The following RIN2 variants were observed in gnomAD, a reference collection of about 807,000 sequenced individuals.
RIN2 encodes the protein RAB5 interacting protein 2.
Under a neutral mutation model 78.0 loss-of-function variants are expected in RIN2, and 36 were observed. The ratio of observed to expected loss-of-function variants is 0.46; its 90% confidence interval spans 0.35 to 0.61. The LOEUF (loss-of-function observed/expected upper bound fraction) is 0.61, where lower values mean the gene tolerates loss of function less well. Among genes scored for constraint, RIN2 ranks in the 20% least tolerant of loss-of-function variants. RIN2 has a pLI of 0.00. For synonymous variants in RIN2, 466 were observed against 466.8 expected (o/e 1.00, Z 0.02); for missense variants, 1,087 against 1,159.7 (o/e 0.94, Z 0.91).
chr20:19,980,044 CAA>C lies in RIN2; in HGVS notation c.1762+4278_1762+4279del, dbSNP rs56268489. Among the ~76,000 whole-genome samples the C allele has an allele frequency of 9.6e-3, 694 of 72,662 alleles. 1 individual carries two copies. The highest frequency in any genetic ancestry group is 0.048 in the Middle Eastern group (4 of 84). The allele number at this position is 72,662 out of a possible 152,430, so 47.7% of individuals were successfully genotyped here. The stretch of plus-strand genomic sequence containing the variant: ...GGGCAACAAGAGTGAAACTCCATCT[CAA>C]AAAAAAAAAAAAAAAAAAAACTCTT... On this transcript the variant is annotated intron_variant, in intron 9 of 12. Transcript: ENST00000255006.
chr20:19,972,961 A>G (rs1193424267), intron 8 of RIN2, among the ~76,000 whole-genome samples: 1 of 152,186 alleles, frequency 6.6e-6, no homozygotes, highest in Non-Finnish European at 1.5e-5. Flanking sequence ...TGCAGCCAAT[A>G]TAAAAAATTT....
At chr20:19,938,304 G>C (rs2040728825) in intron 4 of RIN2, among the ~76,000 whole-genome samples, 3 of 152,076 alleles carry the variant, frequency 2.0e-5, no homozygotes, top group Admixed American at 2.0e-4. Flanking sequence ...CTGCAGCCTT[G>C]ACCTCCTGGG....
intron 2 of RIN2, among the ~76,000 whole-genome samples, chr20:19,857,339 C>T (rs1009674706): frequency 1.3e-5 from 2 of 151,984 alleles, no homozygotes; most frequent in African/African-American, 4.8e-5. Context: ...GGTACTTATC[C>T]ATTGTATGAA....
At chr20:19,888,798 T>G (rs1401042751) in intron 2 of RIN2, among the ~76,000 whole-genome samples, 1 of 152,226 alleles carries the variant, frequency 6.6e-6, no homozygotes. Flanking sequence ...GTGTGTATGT[T>G]TAACTTAGAA....
intron 6 of RIN2, among the ~76,000 whole-genome samples, chr20:19,962,871 C>T (rs753227313): frequency 4.6e-5 from 7 of 152,074 alleles, no homozygotes; most frequent in Admixed American, 2.0e-4. Flanking sequence ...GCAGGAGAAT[C>T]GCTTGAACCC....
intron 10 of RIN2, among the ~76,000 whole-genome samples, chr20:19,990,658 T>C (rs1410443339): frequency 6.6e-6 from 1 of 152,052 alleles, no homozygotes; most frequent in Non-Finnish European, 1.5e-5. Flanking sequence ...TAATCAACCT[T>C]GCACGCTGTA....
At chr20:19,934,508 C>T (rs938429779) in intron 3 of RIN2, 3 of 985,152 alleles carry the variant, frequency 3.0e-6, no homozygotes, top group Non-Finnish European at 3.6e-6. Flanking sequence ...CCTCCCCACT[C>T]ATCCACCCCA....
In RIN2 at chr20:19,871,112, G is replaced by T. The variant is rs138769203; in HGVS notation, c.-36-18454G>T. ...ATTGCTGATTACCATGGAGAAGCAG[G>T]CAAGGGATTATGAAGAGAAAGACAG... On this transcript the variant is annotated intron_variant, in intron 2 of 12. Coordinates refer to ENST00000255006, the MANE Select transcript of RIN2 (RefSeq NM_018993.4). 6.0e-4 allele frequency among the ~76,000 whole-genome samples: 91 copies of T among 152,310 alleles called. 1 individual carries two copies. In the East Asian group the frequency reaches 0.017, roughly 28 times the overall value.
chr20:19,882,077 GA>G, intron 2 of RIN2, among the ~76,000 whole-genome samples: 1 of 152,202 alleles, frequency 6.6e-6, no homozygotes, highest in African/African-American at 2.4e-5. Context: ...TTTGGAAAGT[GA>G]AAAAAACTTG....
chr20:19,796,664 G>A (rs182315042), intron 1 of RIN2, among the ~76,000 whole-genome samples: 90 of 152,208 alleles, frequency 5.9e-4, no homozygotes, highest in Middle Eastern at 3.4e-3. Context: ...TTGGAATCAC[G>A]CAGGGAGCTT....
chr20:19,902,980 C>G (rs888880469), intron 3 of RIN2, among the ~76,000 whole-genome samples: 1 of 152,044 alleles, frequency 6.6e-6, no homozygotes, highest in Non-Finnish European at 1.5e-5. Context: ...GTAGTCCCAG[C>G]TACTCGGGAG....
intron 9 of RIN2, among the ~76,000 whole-genome samples, chr20:19,980,382 A>G (rs1048016300): frequency 6.6e-6 from 1 of 152,164 alleles, no homozygotes; most frequent in Admixed American, 6.5e-5. Flanking sequence ...CAACCAAAAC[A>G]AGGTTGACAC....
At chr20:19,983,218 T>A (rs6046504) in intron 9 of RIN2, among the ~76,000 whole-genome samples, 1 of 152,050 alleles carries the variant, frequency 6.6e-6, no homozygotes, top group South Asian at 2.1e-4. Flanking sequence ...AAGGAGAATA[T>A]GTTAGCACAT....
chr20:19,812,035 G>A (rs1028649974), intron 2 of RIN2, among the ~76,000 whole-genome samples: 1 of 150,380 alleles, frequency 6.6e-6, no homozygotes, highest in African/African-American at 2.5e-5. Flanking sequence ...AGTCATCCAC[G>A]TTGTAGCAGG....
chr20:19,902,009 C>G (rs537306043), intron 3 of RIN2, among the ~76,000 whole-genome samples: 1,174 of 88,566 alleles, frequency 0.013, 10 homozygotes, highest in Non-Finnish European at 0.016. Context: ...GAACGAGACT[C>G]TGTCTCAAAA....
chr20:19,824,383 T>C (rs530873062), intron 2 of RIN2, among the ~76,000 whole-genome samples: 1 of 152,348 alleles, frequency 6.6e-6, no homozygotes, highest in South Asian at 2.1e-4. Context: ...ATCATCCTTA[T>C]TATTATTTAA....
intron 4 of RIN2, among the ~76,000 whole-genome samples, chr20:19,945,734 A>G (rs1345129476): frequency 6.6e-6 from 1 of 152,048 alleles, no homozygotes; most frequent in Non-Finnish European, 1.5e-5. Context: ...TTTTACAACC[A>G]AAGCCACTCA....
intron 2 of RIN2, among the ~76,000 whole-genome samples, chr20:19,848,299 C>G (rs2036848652): frequency 6.6e-6 from 1 of 152,016 alleles, no homozygotes; most frequent in Admixed American, 6.6e-5. Flanking sequence ...CTTTGGGAGG[C>G]TGAGGTGGGT....
In RIN2 at chr20:19,960,714, TA is replaced by T; in HGVS notation, c.369del (p.Lys123AsnfsTer27). On this transcript the variant is annotated frameshift_variant, in exon 6 of 13. Transcript: ENST00000255006. LOFTEE classifies it high-confidence loss of function. ...CCCTCCACTAGATCTTCCTGGTTCA[TA>T]AATCTACCAAGATGCAGAAGAAAGT... ...AQPPGIFLVH[K>X]STKMQKKVLS... The T allele has an allele frequency of 6.3e-7, 1 of 1,598,014 alleles. No individual in the cohort carries two copies. Among genetic ancestry groups the T allele is most frequent in the African/African-American group, 1.3e-5 (1 of 74,794 alleles).
Sources: allele counts gnomAD v4.1 joint callset (sites outside exome capture counted in the v4.1 genomes callset), GRCh38; gene constraint gnomAD v4.1.1; transcripts MANE v1.5; gene names NCBI Gene and HGNC (gene_info 2026-07-23, HGNC 2026-07-21).